Variants in CRPPA observed in about 807,000 individuals in gnomAD.
The protein encoded by CRPPA is CDP-L-ribitol pyrophosphorylase A.
In CRPPA, 43 loss-of-function variants were observed where a neutral mutation model predicts 52.0. The observed-to-expected ratio is 0.83, with a 90% CI of 0.65 to 1.07. The LOEUF is 1.07. CRPPA is among the 50% of genes least tolerant of loss of function. The pLI is 0.00. For synonymous variants in CRPPA, 250 were observed against 203.5 expected (o/e 1.23, Z -1.94); for missense variants, 629 against 551.7 (o/e 1.14, Z -1.40).
intron 9 of CRPPA, among the ~76,000 whole-genome samples, chr7:16,118,278 G>A (rs1195341355): frequency 6.6e-6 from 1 of 152,164 alleles, no homozygotes; most frequent in East Asian, 1.9e-4. Flanking sequence ...CCAAGATGGG[G>A]CCGACTTGTG....
intron 8 of CRPPA, among the ~76,000 whole-genome samples, chr7:16,246,763 T>C (rs2128408325): frequency 6.6e-6 from 1 of 152,366 alleles, no homozygotes; most frequent in East Asian, 1.9e-4. Context: ...GGGCTTAAAA[T>C]ATTCAGTAAA....
chr7:16,235,853 G>C (rs770644854), intron 8 of CRPPA: 1 of 151,992 alleles, frequency 6.6e-6, no homozygotes, highest in Non-Finnish European at 1.5e-5. Flanking sequence ...TGATCACTAG[G>C]CTTAATTTTG....
intron 2 of CRPPA, among the ~76,000 whole-genome samples, chr7:16,397,411 G>A (rs531700201): frequency 7.2e-4 from 109 of 152,318 alleles, no homozygotes; most frequent in Non-Finnish European, 1.2e-3. Flanking sequence ...GACACGTAAT[G>A]GACACGTGAC....
intron 8 of CRPPA, among the ~76,000 whole-genome samples, chr7:16,220,824 G>T (rs1352840694): frequency 2.0e-5 from 3 of 152,158 alleles, no homozygotes; most frequent in African/African-American, 7.2e-5. Flanking sequence ...AACATTCCAT[G>T]CTCATGGGTA....
chr7:16,398,386 T>G (rs201073212), intron 2 of CRPPA, among the ~76,000 whole-genome samples: 1 of 43,290 alleles, frequency 2.3e-5, no homozygotes, highest in Non-Finnish European at 4.0e-5. Flanking sequence ...ATGATTGACA[T>G]GTGACTGACA....
At chr7:16,238,187 A>G (rs570090231) in intron 8 of CRPPA, among the ~76,000 whole-genome samples, 21 of 152,332 alleles carry the variant, frequency 1.4e-4, no homozygotes, top group African/African-American at 5.1e-4. Context: ...AAATTAGCTT[A>G]TATAGAATAT....
intron 9 of CRPPA, among the ~76,000 whole-genome samples, chr7:16,116,115 T>C (rs1782366064): frequency 6.6e-6 from 1 of 152,102 alleles, no homozygotes; most frequent in Non-Finnish European, 1.5e-5. Flanking sequence ...AATTATTAAT[T>C]ATAAAGGTAG....
chr7:16,330,198 T>A (rs1785515132), intron 3 of CRPPA, among the ~76,000 whole-genome samples: 3 of 152,206 alleles, frequency 2.0e-5, no homozygotes, highest in Admixed American at 1.3e-4. Flanking sequence ...CTAAGACACA[T>A]ACAGAATTTA....
At position 16,189,232 on chromosome 7, in the gene CRPPA, T is replaced by C. The variant is rs150483574; in HGVS notation, c.1251+26834A>G. Among the ~76,000 whole-genome samples the C allele has an allele frequency of 1.1e-4, 16 of 152,236 alleles. No individual in the cohort carries two copies. The East Asian group carries it at 3.1e-3, about 29-fold the overall frequency. The stretch of plus-strand genomic sequence containing the variant: ...CAACCTTCATTGGCAACTGGTATAT[T>C]AACAAAGGAAGTATTCCCTTAAGCA... On this transcript the variant is annotated intron_variant, in intron 9 of 9. Transcript: ENST00000407010.
At chr7:16,124,599 T>C (rs1373389759) in intron 9 of CRPPA, among the ~76,000 whole-genome samples, 9 of 152,170 alleles carry the variant, frequency 5.9e-5, no homozygotes, top group Middle Eastern at 3.2e-3. Context: ...GGTTAGTAGA[T>C]ACAAAATTAC....
intron 8 of CRPPA, among the ~76,000 whole-genome samples, chr7:16,240,572 TACACACACACACAC>T (rs71549978): frequency 1.4e-5 from 2 of 148,016 alleles, no homozygotes; most frequent in Admixed American, 6.7e-5. Context: ...TTATTACACA[TACACACACACACAC>T]ACACACACAC....
rs28617534 is a variant in CRPPA at position 16,215,814 on chromosome 7, C to T, written c.1251+252G>A. Among the ~76,000 whole-genome samples, 1,220 of 152,094 alleles carry T rather than the reference C, an allele frequency of 8.0e-3. 14 individuals are homozygous for T. The highest frequency in any genetic ancestry group is 0.028 in the African/African-American group (1,160 of 41,510). On this transcript the variant is annotated intron_variant, in intron 9 of 9. Coordinates refer to ENST00000407010, the MANE Select transcript of CRPPA (RefSeq NM_001101426.4). The stretch of plus-strand genomic sequence containing the variant: ...AAAATCATACTTTTATTTGATAAAC[C>T]TGACAGTTCTATTTGGGATACCTAA...
At chr7:16,138,841 G>A (rs190660546) in intron 9 of CRPPA, among the ~76,000 whole-genome samples, 26 of 152,070 alleles carry the variant, frequency 1.7e-4, no homozygotes, top group Admixed American at 1.2e-3. Flanking sequence ...CACTCCTGTC[G>A]CCCAGGCAAG....
chr7:16,219,077 A>T (rs1782421891), intron 8 of CRPPA, among the ~76,000 whole-genome samples: 1 of 152,204 alleles, frequency 6.6e-6, no homozygotes, highest in Non-Finnish European at 1.5e-5. Context: ...AAGAACAGAA[A>T]TTATAACGAA....
intron 9 of CRPPA, among the ~76,000 whole-genome samples, chr7:16,110,443 C>CA (rs1482394246): frequency 6.6e-6 from 1 of 151,920 alleles, no homozygotes; most frequent in Admixed American, 6.6e-5. Flanking sequence ...TATGGAACTG[C>CA]AAAAAACCTT....
chr7:16,407,267 C>A (rs1229130394), intron 1 of CRPPA, among the ~76,000 whole-genome samples: 1 of 152,158 alleles, frequency 6.6e-6, no homozygotes. Flanking sequence ...CATGAGCCAC[C>A]AAGCCCAGCC....
chr7:16,389,977 T>A (rs1481698238), intron 2 of CRPPA, among the ~76,000 whole-genome samples: 2 of 125,502 alleles, frequency 1.6e-5, no homozygotes, highest in Non-Finnish European at 3.2e-5. Flanking sequence ...TGCTAGCATA[T>A]AGAAATACAA....
chr7:16,226,831 C>CA (rs1782664381), intron 8 of CRPPA, among the ~76,000 whole-genome samples: 2 of 151,872 alleles, frequency 1.3e-5, no homozygotes, highest in South Asian at 4.1e-4. Context: ...TATATCCTCT[C>CA]AGAGTTTTTC....
intron 9 of CRPPA, among the ~76,000 whole-genome samples, chr7:16,104,308 C>T (rs1782105069): frequency 6.6e-6 from 1 of 152,170 alleles, no homozygotes; most frequent in African/African-American, 2.4e-5. Context: ...AATCCTTTCT[C>T]AAGGTCACAG....
Sources: allele counts gnomAD v4.1 joint callset (sites outside exome capture counted in the v4.1 genomes callset), GRCh38; gene constraint gnomAD v4.1.1; transcripts MANE v1.5; gene names NCBI Gene and HGNC (gene_info 2026-07-23, HGNC 2026-07-21).